Variants in PCLO observed in about 807,000 individuals in gnomAD.
PCLO encodes the protein protein piccolo.
PCLO carries 82 observed loss-of-function variants against 427.5 expected under a neutral mutation model. That is an observed-to-expected ratio of 0.19 (90% confidence interval 0.16 to 0.23). The LOEUF (loss-of-function observed/expected upper bound fraction) is 0.23. Among genes scored for constraint, PCLO ranks in the 10% least tolerant of loss-of-function variants. The probability of loss-of-function intolerance (pLI) is 1.00; values close to 1 mark genes in which losing one functional copy is unlikely to be tolerated. For synonymous variants in PCLO, 2,357 were observed against 2,155.4 expected (o/e 1.09, Z -2.59); for missense variants, 6,239 against 6,115.9 (o/e 1.02, Z -0.67).
At chr7:83,152,559 C>T in intron 2 of PCLO, among the ~76,000 whole-genome samples, 1 of 152,138 alleles carries the variant, frequency 6.6e-6, no homozygotes, top group Admixed American at 6.5e-5. Context: ...CATTTCTTTT[C>T]CAACACCCTA....
At chr7:83,136,370 CAT>C (rs942796202) in intron 2 of PCLO, among the ~76,000 whole-genome samples, 1 of 151,874 alleles carries the variant, frequency 6.6e-6, no homozygotes, top group African/African-American at 2.4e-5. Context: ...GGGAATAAAA[CAT>C]GTTAGATATC....
chr7:83,090,728 C>T lies in PCLO; in HGVS notation c.3300+43522G>A, dbSNP rs1345066660. Among the ~76,000 whole-genome samples the T allele has an allele frequency of 3.9e-5, 6 of 152,200 alleles. No individual in the cohort carries two copies. In the South Asian group the frequency reaches 1.0e-3, roughly 26 times the overall value. Reference sequence around the variant, plus strand: ...TTCCCATTTTTAAGACTAAAATATTCTAAATATATATTTTTAAATTACATT... The same window carrying T: ...TTCCCATTTTTAAGACTAAAATATTTTAAATATATATTTTTAAATTACATT... On this transcript the variant is annotated intron_variant, in intron 3 of 24. Transcript: ENST00000333891.
intron 3 of PCLO, among the ~76,000 whole-genome samples, chr7:83,037,505 T>C (rs982456827): frequency 1.3e-5 from 2 of 151,954 alleles, no homozygotes; most frequent in Non-Finnish European, 2.9e-5. Context: ...AAGTGTACTC[T>C]ACTTTTTTCA....
At chr7:83,029,402 C>A (rs1441329890) in intron 3 of PCLO, among the ~76,000 whole-genome samples, 2 of 147,654 alleles carry the variant, frequency 1.4e-5, no homozygotes, top group Non-Finnish European at 3.0e-5. Context: ...AAATCAAAAC[C>A]ACAATGAGAT....
chr7:83,155,229 G>A lies in PCLO; in HGVS notation c.1412C>T (p.Ser471Leu). ...GGGCTTTGCTGGGCCAGGCAGTTGTGAAGGAGGCTTTGTTGGGCCAGTCTG... is the reference window on the plus strand; with the variant it reads ...GGGCTTTGCTGGGCCAGGCAGTTGTAAAGGAGGCTTTGTTGGGCCAGTCTG... ...AQQTGPTKPP[S>L]QLPGPAKPPP... Residue 471 changes from serine to leucine, a missense_variant, in exon 2 of 25, where the codon TCA becomes TTA. Coordinates refer to ENST00000333891, the MANE Select transcript of PCLO (RefSeq NM_033026.6). 6.2e-7 allele frequency: 1 copy of A among 1,613,546 alleles called. No homozygotes were observed. The highest frequency in any genetic ancestry group is 1.1e-5 in the South Asian group (1 of 91,026).
Position 82,805,722 on chromosome 7 carries a change from CAGTGCT to C in PCLO, c.14893_14898del (p.Ser4965_Thr4966del), listed in dbSNP as rs772460141. 3 of 1,612,978 alleles carry C rather than the reference CAGTGCT, an allele frequency of 1.9e-6. No individual in the cohort carries two copies. In the East Asian group the frequency reaches 6.7e-5, roughly 36 times the overall value. On this transcript the variant is annotated inframe_deletion, in exon 21 of 25. Coordinates refer to ENST00000333891, the MANE Select transcript of PCLO (RefSeq NM_033026.6). Reference sequence around the variant, plus strand: ...ATAGGAAATAGATTAGTCTCCCCTGCAGTGCTGCTGCTTCCTTCACTGTCCACGCTA... The same window carrying C: ...ATAGGAAATAGATTAGTCTCCCCTGCGCTGCTTCCTTCACTGTCCACGCTA...
intron 3 of PCLO, among the ~76,000 whole-genome samples, chr7:83,124,690 G>A (rs11974451): frequency 0.49 from 74,094 of 151,514 alleles, 18,993 homozygotes; most frequent in East Asian, 0.69. Context: ...GGGAATATGT[G>A]TATAAAAGAC....
At chr7:83,125,356 T>C (rs1045978056) in intron 3 of PCLO, among the ~76,000 whole-genome samples, 3 of 151,196 alleles carry the variant, frequency 2.0e-5, no homozygotes, top group Non-Finnish European at 4.4e-5. Context: ...AGTGGGGGGC[T>C]GCTCTGCCCG....
At chr7:82,921,715 C>G (rs1794599345) in intron 6 of PCLO, among the ~76,000 whole-genome samples, 1 of 151,932 alleles carries the variant, frequency 6.6e-6, no homozygotes. Context: ...ACTCTGAAAG[C>G]AATTGCAGTT....
intron 3 of PCLO, among the ~76,000 whole-genome samples, chr7:83,132,026 A>T (rs1244387958): frequency 6.6e-6 from 1 of 152,108 alleles, no homozygotes; most frequent in Non-Finnish European, 1.5e-5. Flanking sequence ...ATTCTTTTCA[A>T]CTAACTCCTT....
In PCLO at chr7:83,001,055, A is replaced by G. The variant is rs573394302; in HGVS notation, c.3301-34568T>C. ...TCTTCCAACATTTTTGCTGCTAAAA[A>G]TATCTGTATCTTTTCAAAATAATAA... On this transcript the variant is annotated intron_variant, in intron 3 of 24. Coordinates refer to ENST00000333891, the MANE Select transcript of PCLO (RefSeq NM_033026.6). Among the ~76,000 whole-genome samples the G allele has an allele frequency of 1.2e-3, 187 of 152,172 alleles. 1 individual carries two copies. The highest frequency in any genetic ancestry group is 4.5e-3 in the African/African-American group (185 of 41,536).
intron 24 of PCLO, among the ~76,000 whole-genome samples, chr7:82,759,775 T>A (rs1411545011): frequency 2.0e-5 from 3 of 151,994 alleles, no homozygotes; most frequent in Non-Finnish European, 4.4e-5. Context: ...CTTTTATTCC[T>A]TGTCTCTATA....
At chr7:83,092,343 C>G (rs1223686191) in intron 3 of PCLO, among the ~76,000 whole-genome samples, 1 of 152,144 alleles carries the variant, frequency 6.6e-6, no homozygotes, top group African/African-American at 2.4e-5. Flanking sequence ...ATCCCTTATT[C>G]ATATATAGCC....
intron 3 of PCLO, among the ~76,000 whole-genome samples, chr7:83,073,182 T>C (rs1006686790): frequency 3.3e-5 from 5 of 151,980 alleles, no homozygotes; most frequent in Non-Finnish European, 7.4e-5. Context: ...ACCTATAGTA[T>C]ATAAGATAAT....
intron 3 of PCLO, among the ~76,000 whole-genome samples, chr7:83,098,308 A>ACT (rs10683743): frequency 0.46 from 69,793 of 151,952 alleles, 16,441 homozygotes; most frequent in East Asian, 0.71. Context: ...AGTAGGAGGT[A>ACT]CTTTGTCTTT....
Position 82,915,119 on chromosome 7 carries a change from G to C in PCLO, c.12867C>G (p.Ser4289=), listed in dbSNP as rs1282298929. The C allele has an allele frequency of 6.3e-7, 1 of 1,590,300 alleles. No homozygotes were observed. Among genetic ancestry groups the C allele is most frequent in the East Asian group, 2.3e-5 (1 of 43,670 alleles). ...CAGAGGAAGGTCTGGAGGAAGGTCT[G>C]GACCTGCTGCCACTACTGTATGGCT... ...ADKPYSSGSR[S]RPSSRPSSVY... The change falls in exon 7 of 25, where the codon TCC becomes TCG. Residue 4289 remains serine (S), a synonymous_variant. Coordinates refer to ENST00000333891, the MANE Select transcript of PCLO (RefSeq NM_033026.6).
At chr7:83,076,634 T>C (rs1233426250) in intron 3 of PCLO, among the ~76,000 whole-genome samples, 2 of 142,156 alleles carry the variant, frequency 1.4e-5, no homozygotes, top group Non-Finnish European at 3.0e-5. Context: ...CTTTTTTTTT[T>C]TTTTTGCAGT....
intron 9 of PCLO, among the ~76,000 whole-genome samples, chr7:82,890,946 T>C (rs964152968): frequency 1.3e-5 from 2 of 152,096 alleles, no homozygotes; most frequent in Non-Finnish European, 2.9e-5. Context: ...TAAATATTTA[T>C]GATTATCATT....
intron 3 of PCLO, among the ~76,000 whole-genome samples, chr7:82,978,854 AC>A (rs1562896043): frequency 0.034 from 3,416 of 99,942 alleles, 133 homozygotes; most frequent in African/African-American, 0.11. Flanking sequence ...ACACACACAC[AC>A]AAACACACAC....
Sources: gnomAD v4.1 joint callset for allele counts (sites outside exome capture counted in the v4.1 genomes callset) on GRCh38, gnomAD v4.1.1 for gene constraint, MANE v1.5 for transcripts, NCBI Gene and HGNC (gene_info 2026-07-23, HGNC 2026-07-21) for gene names.